The following ZNF831 variants were observed in gnomAD, a reference collection of about 807,000 sequenced individuals.
ZNF831 encodes the protein chromosome 20 open reading frame 174.
In ZNF831, 59 loss-of-function variants were observed where a neutral mutation model predicts 95.8. The ratio of observed to expected loss-of-function variants is 0.62; its 90% CI spans 0.50 to 0.77. ZNF831 has a LOEUF of 0.77. Ranked by LOEUF, ZNF831 falls within the 30% of genes least tolerant of loss-of-function variation. The pLI is 0.00. For synonymous variants in ZNF831, 961 were observed against 925.5 expected, an observed-to-expected ratio of 1.04 and a Z score of -0.70; for missense variants, 2,205 against 2,164.0, an observed-to-expected ratio of 1.02 and a Z score of -0.38.
At chr20:59,189,489 A>G (rs73135115) in intron 1 of ZNF831, among the ~76,000 whole-genome samples, 1 of 152,154 alleles carries the variant, frequency 6.6e-6, no homozygotes, top group Non-Finnish European at 1.5e-5. Context: ...TGCTACTTCT[A>G]TGTTTTTTAT....
intron 1 of ZNF831, among the ~76,000 whole-genome samples, chr20:59,141,425 A>G (rs770907480): frequency 4.6e-5 from 7 of 151,938 alleles, no homozygotes; most frequent in Admixed American, 4.6e-4. Context: ...TCTTTCTTTC[A>G]TTTTTGCCTA....
Position 59,208,910 on chromosome 20 carries a change from C to G in ZNF831, c.4027+1854C>G, listed in dbSNP as rs976947259. The stretch of plus-strand genomic sequence containing the variant: ...AGGAGCTTACCACCAGCTCTCTTCC[C>G]AGCACCTTAAGGACAGCCAAATGGA... On this transcript the variant is annotated intron_variant, in intron 4 of 5. Coordinates refer to ENST00000371030, the MANE Select transcript of ZNF831 (RefSeq NM_178457.3). This position sits in a 1 kb window ranked among gnomAD's most constrained non-coding sequence, Gnocchi z 4.2. Among the ~76,000 whole-genome samples, 4 of 152,174 alleles carry G rather than the reference C, an allele frequency of 2.6e-5. No individual in the cohort carries two copies. The highest frequency in any genetic ancestry group is 5.9e-5 in the Non-Finnish European group (4 of 68,024).
At chr20:59,186,109 G>A (rs1983009662) in intron 1 of ZNF831, among the ~76,000 whole-genome samples, 1 of 152,214 alleles carries the variant, frequency 6.6e-6, no homozygotes. Flanking sequence ...TGGGGTGCAT[G>A]TTCTACATGA....
At chr20:59,166,803 G>A (rs1428688042) in intron 1 of ZNF831, among the ~76,000 whole-genome samples, 1 of 152,228 alleles carries the variant, frequency 6.6e-6, no homozygotes, top group Non-Finnish European at 1.5e-5. Flanking sequence ...TGATATGGAT[G>A]TACCACAGTT....
chr20:59,233,071 G>GAGAC (rs1425873815), intron 4 of ZNF831, among the ~76,000 whole-genome samples: 2 of 151,642 alleles, frequency 1.3e-5, no homozygotes, highest in African/African-American at 4.8e-5. Flanking sequence ...GACAGAGACA[G>GAGAC]AGACAGACAG....
intron 1 of ZNF831, among the ~76,000 whole-genome samples, chr20:59,144,663 G>A (rs558649962): frequency 1.3e-5 from 2 of 152,252 alleles, no homozygotes; most frequent in East Asian, 3.9e-4. Flanking sequence ...TTCTGTTGCT[G>A]CACTGATGAC....
intron 3 of ZNF831, among the ~76,000 whole-genome samples, chr20:59,202,891 G>A (rs185044555): frequency 8.5e-5 from 13 of 152,204 alleles, no homozygotes; most frequent in East Asian, 7.7e-4. Flanking sequence ...CAGAACATAC[G>A]TAAATTTAAA....
intron 1 of ZNF831, among the ~76,000 whole-genome samples, chr20:59,179,613 G>A (rs183005397): frequency 6.6e-6 from 1 of 152,188 alleles, no homozygotes; most frequent in East Asian, 1.9e-4. Context: ...GGCATTCCCT[G>A]GCTTGTGGCT....
chr20:59,157,687 G>A (rs1980614281), intron 2 of ZNF831, among the ~76,000 whole-genome samples: 1 of 152,154 alleles, frequency 6.6e-6, no homozygotes, highest in Admixed American at 6.5e-5. Context: ...AGTTGGCAGA[G>A]GCTAATATAC....
chr20:59,207,724 G>A (rs2146639632), intron 4 of ZNF831, among the ~76,000 whole-genome samples: 1 of 152,304 alleles, frequency 6.6e-6, no homozygotes, highest in East Asian at 1.9e-4. Flanking sequence ...CTCAGCCTTA[G>A]CCTTGCTTGA....
chr20:59,234,035 C>A (rs1986875078), intron 4 of ZNF831, among the ~76,000 whole-genome samples: 1 of 152,204 alleles, frequency 6.6e-6, no homozygotes, highest in Non-Finnish European at 1.5e-5. Context: ...CTTTTAGGTT[C>A]CTTTCTAAGA....
chr20:59,241,152 A>G (rs1363433078), intron 4 of ZNF831, among the ~76,000 whole-genome samples: 1 of 152,184 alleles, frequency 6.6e-6, no homozygotes, highest in Admixed American at 6.5e-5. Flanking sequence ...CTCTCTTCCT[A>G]TTATTCCTCC....
rs904770415 is a variant in ZNF831, at chr20:59,257,594, A to T, written c.*2851A>T. On this transcript the variant is annotated 3_prime_UTR_variant, in exon 6 of 6. Coordinates refer to ENST00000371030, the MANE Select transcript of ZNF831 (RefSeq NM_178457.3). ...ATGTCAGTATTATCAATTGATAACT[A>T]CCACAGTTTTATACTCTGCAAGTGT... 2 of 152,236 alleles carry T rather than the reference A, an allele frequency of 1.3e-5. No individual in the cohort carries two copies. The highest frequency in any genetic ancestry group is 2.9e-5 in the Non-Finnish European group (2 of 68,034). 9.4% of individuals were successfully genotyped at this position (152,236 alleles called of 1,614,324 possible).
rs2146785831 is a variant in ZNF831, at chr20:59,258,473, G to C, written c.*3730G>C. ...TTTGCATTTTGCACAGAATTTGCCT[G>C]GTGCAGCAGATCTTTATAGTTATGG... On this transcript the variant is annotated 3_prime_UTR_variant, in exon 6 of 6. Coordinates refer to ENST00000371030, the MANE Select transcript of ZNF831 (RefSeq NM_178457.3). 6.5e-6 allele frequency: 1 copy of C among 152,732 alleles called. No individual in the cohort carries two copies. The highest frequency in any genetic ancestry group is 3.4e-3 in the Middle Eastern group (1 of 294). 9.5% of individuals were successfully genotyped at this position (152,732 alleles called of 1,614,324 possible).
In ZNF831 at chr20:59,191,048, C is replaced by T. The variant is rs2146541889; in HGVS notation, c.29C>T (p.Ala10Val). Residue 10 changes from alanine (A) to valine (V), a missense_variant, in exon 2 of 6, where the codon GCC becomes GTC. Physicochemically the swap from Ala to Val is moderately conservative, Grantham distance 64. Transcript: ENST00000371030. ...GAGGTTCCAGAACCCACCTGCCCTG[C>T]CCCTCCTGCGAGGGACCAGCCAGCT... is the stretch of plus-strand genomic sequence containing the variant. The part of the protein sequence containing the change: MEVPEPTCP[A>V]PPARDQPAPT... 6.7e-6 allele frequency: 10 copies of T among 1,494,802 alleles called. No homozygotes were observed. Among genetic ancestry groups the T allele is most frequent in the Non-Finnish European group, 8.8e-6 (10 of 1,130,174 alleles). The allele number at this position is 1,494,802 out of a possible 1,614,324, so 92.6% of individuals were successfully genotyped here. A position where few individuals can be genotyped will look rare whatever the true frequency, so the allele number is the denominator to read the frequency against.
intron 1 of ZNF831, among the ~76,000 whole-genome samples, chr20:59,136,643 T>C (rs975779696): frequency 6.6e-6 from 1 of 152,242 alleles, no homozygotes; most frequent in Non-Finnish European, 1.5e-5. Context: ...CCTCTGAGCT[T>C]TCATCCTGAT....
In ZNF831 at chr20:59,191,042, G is replaced by A. The variant is rs2146541830; in HGVS notation, c.23G>A (p.Cys8Tyr). ...GGAATGGAGGTTCCAGAACCCACCT[G>A]CCCTGCCCCTCCTGCGAGGGACCAG... MEVPEPT[C>Y]PAPPARDQPA... Residue 8 changes from cysteine (C) to tyrosine (Y), a missense_variant, in exon 2 of 6, where the codon TGC (cysteine) becomes TAC (tyrosine). Physicochemically the swap from Cys to Tyr is radical, Grantham distance 194 (BLOSUM62 -2). Coordinates refer to ENST00000371030, the MANE Select transcript of ZNF831 (RefSeq NM_178457.3). 1.3e-6 allele frequency: 2 copies of A among 1,493,134 alleles called. No homozygotes were observed. Among genetic ancestry groups the A allele is most frequent in the Non-Finnish European group, 8.9e-7 (1 of 1,129,604 alleles). The allele number at this position is 1,493,134 out of a possible 1,614,324, so 92.5% of individuals were successfully genotyped here.
intron 2 of ZNF831, among the ~76,000 whole-genome samples, chr20:59,151,877 G>A (rs1176982622): frequency 1.3e-5 from 2 of 152,180 alleles, no homozygotes; most frequent in Non-Finnish European, 2.9e-5. Context: ...GTCTAGCGAT[G>A]CTGCAAGGGG....
chr20:59,191,686 C>T lies in ZNF831; in HGVS notation c.667C>T (p.Pro223Ser), dbSNP rs1463393971. 2 of 1,555,184 alleles carry T rather than the reference C, an allele frequency of 1.3e-6. No homozygotes were observed. The highest frequency in any genetic ancestry group is 2.3e-5 in the East Asian group (1 of 44,342). Residue 223 changes from proline (P) to serine (S), a missense_variant, in exon 2 of 6, where the codon CCC becomes TCC. Transcript: ENST00000371030. ...LLEEGDKAGE[P>S]PRPEGRGESR... ...GGAGGAAGGGGACAAGGCCGGAGAGCCCCCCAGACCAGAGGGCAGGGGCGA... is the reference window on the plus strand; with the variant it reads ...GGAGGAAGGGGACAAGGCCGGAGAGTCCCCCAGACCAGAGGGCAGGGGCGA...
Sources: allele counts gnomAD v4.1 joint callset (sites outside exome capture counted in the v4.1 genomes callset), GRCh38; gene constraint gnomAD v4.1.1; non-coding constraint Gnocchi (gnomAD v3.1); transcripts MANE v1.5; gene names NCBI Gene and HGNC (gene_info 2026-07-23, HGNC 2026-07-21).